The following RPS26 variants were observed in gnomAD, a reference collection of about 807,000 sequenced individuals.
RPS26 encodes the protein small ribosomal subunit protein eS26.
In RPS26, 1 loss-of-function variant was observed where a neutral mutation model predicts 14.7. The ratio of observed to expected loss-of-function variants is 0.07; its 90% CI spans 0.02 to 0.32. The LOEUF is 0.32. Ranked by LOEUF, RPS26 falls within the 10% of genes least tolerant of loss-of-function variation. The pLI, the probability that RPS26 is intolerant of heterozygous loss-of-function variation, is 1.00. For synonymous variants in RPS26, 59 were observed against 53.1 expected (o/e 1.11, Z -0.48); for missense variants, 63 against 157.7 (o/e 0.40, Z 3.22).
rs183954059 is a variant in RPS26, at chr12:56,042,634, G to A, written c.181+32G>A. ...GGGTCACCGGCGCGAACTGTGTGAG[G>A]ATCCCAGTATCTTAAAGCCTTCGCC... On this transcript the variant is annotated intron_variant, in intron 2 of 3. Coordinates refer to ENST00000646449, the MANE Select transcript of RPS26 (RefSeq NM_001029.5). 2.7e-4 allele frequency: 423 copies of A among 1,581,646 alleles called. 3 individuals carry two copies. The East Asian group carries it at 5.8e-3, about 22-fold the overall frequency.
At chr12:56,043,148 C>A (rs1017830655) in intron 2 of RPS26, 3 of 531,818 alleles carry the variant, frequency 5.6e-6, no homozygotes, top group African/African-American at 3.8e-5. Context: ...GATGAACTCA[C>A]GTGGGATGTT....
At chr12:56,044,040 A>T in intron 3 of RPS26, 79 bp from the exon 4 acceptor site, 1 of 1,188,246 alleles carries the variant, frequency 8.4e-7, no homozygotes. Flanking sequence ...TTGTGAGAGG[A>T]TGGTGGTCAA....
At position 56,042,392 on chromosome 12, in the gene RPS26, C is replaced by G. The variant is rs1437637347; in HGVS notation, c.4-33C>G. The G allele has an allele frequency of 2.5e-6, 4 of 1,610,264 alleles. No individual in the cohort carries two copies. In the African/African-American group the frequency reaches 5.3e-5, roughly 22 times the overall value. ...GGGACTGAGGCTGGGTGAGTTGCGC[C>G]GTTTTCCTAACAGTTTTCCCATCCT... On this transcript the variant is annotated intron_variant, in intron 1 of 3. Transcript: ENST00000646449.
chr12:56,042,406 T>G lies in RPS26; in HGVS notation c.4-19T>G. On this transcript the variant is annotated intron_variant, in intron 1 of 3. Coordinates refer to ENST00000646449, the MANE Select transcript of RPS26 (RefSeq NM_001029.5). ...GTGAGTTGCGCCGTTTTCCTAACAG[T>G]TTTCCCATCCTGTCGCAGACAAAGA... 3.1e-6 allele frequency: 5 copies of G among 1,613,530 alleles called. No individual in the cohort carries two copies. Among genetic ancestry groups the G allele is most frequent in the African/African-American group, 1.3e-5 (1 of 75,010 alleles).
intron 2 of RPS26, 100 bp downstream of exon 2, chr12:56,042,702 G>A (rs1300273390): frequency 5.2e-6 from 5 of 955,932 alleles, no homozygotes; most frequent in Middle Eastern, 5.0e-4. Context: ...GAGCCTCTCA[G>A]GCAATTTCCA....
chr12:56,042,652 C>CCTTCGCCCAA, intron 2 of RPS26, 50 bp downstream of exon 2: 1 of 1,520,700 alleles, frequency 6.6e-7, no homozygotes, highest in Non-Finnish European at 9.0e-7. Flanking sequence ...TATCTTAAAG[C>CCTTCGCCCAA]CTTCGCCCAA....
At position 56,041,957 on chromosome 12, in the gene RPS26, C is replaced by A; in HGVS notation, c.-210C>A. ...ATCCGGCTAAATAGTCCCATGTGCACTTTGTTCCATGGATAAATAAACACT... is the reference window on the plus strand; with the variant it reads ...ATCCGGCTAAATAGTCCCATGTGCAATTTGTTCCATGGATAAATAAACACT... On this transcript the variant is annotated 5_prime_UTR_variant, in exon 1 of 4. Transcript: ENST00000646449. 1 of 660,082 alleles carries A rather than the reference C, an allele frequency of 1.5e-6. No individual in the cohort carries two copies. The highest frequency in any genetic ancestry group is 2.7e-6 in the Non-Finnish European group (1 of 363,842). The allele number at this position is 660,082 out of a possible 1,614,324, so 40.9% of individuals were successfully genotyped here. A position where few individuals can be genotyped will look rare whatever the true frequency, so the allele number is the denominator to read the frequency against.
intron 2 of RPS26, 88 bp from the exon 3 acceptor site, chr12:56,043,275 C>A: frequency 7.8e-7 from 1 of 1,289,146 alleles, no homozygotes; most frequent in Non-Finnish European, 1.1e-6. Flanking sequence ...TTTTAATTGA[C>A]GTAAACATGT....
chr12:56,044,535 G>T lies in RPS26; in HGVS notation c.*381G>T. 1 of 237,368 alleles carries T rather than the reference G, an allele frequency of 4.2e-6. No homozygotes were observed. Among genetic ancestry groups the T allele is most frequent in the Non-Finnish European group, 8.3e-6 (1 of 120,610 alleles). The allele number at this position is 237,368 out of a possible 1,614,324, so 14.7% of individuals were successfully genotyped here. ...ATTTTTGTATTTTTGGTAGAGATGG[G>T]GTTTCACTATGTTGTCCAGGCTGGT... On this transcript the variant is annotated 3_prime_UTR_variant, in exon 4 of 4. Transcript: ENST00000646449.
intron 1 of RPS26, 85 bp from the exon 2 acceptor site, chr12:56,042,340 G>A (rs1895898600): frequency 6.5e-7 from 1 of 1,544,298 alleles, no homozygotes; most frequent in Non-Finnish European, 8.9e-7. Flanking sequence ...CTTCCTGGAG[G>A]CTGCCGGTGC....
At chr12:56,042,394 T>G in intron 1 of RPS26, 31 bp from the exon 2 acceptor site, 1 of 1,612,110 alleles carries the variant, frequency 6.2e-7, no homozygotes, top group Non-Finnish European at 8.5e-7. Flanking sequence ...AGTTGCGCCG[T>G]TTTCCTAACA....
chr12:56,042,140 C>T lies in RPS26; in HGVS notation c.-27C>T, dbSNP rs200831849. The T allele has an allele frequency of 1.5e-4, 249 of 1,613,848 alleles. 2 individuals are homozygous for T. The highest frequency in any genetic ancestry group is 1.6e-4 in the Middle Eastern group (1 of 6,084). On this transcript the variant is annotated 5_prime_UTR_variant, in exon 1 of 4. Transcript: ENST00000646449. ...ATAGGAGGGCCCTGCCAGGCACCGT[C>T]TCCTCTCTCCGGTCCGTGCCTCCAA...
At chr12:56,042,647 T>TA in intron 2 of RPS26, 45 bp downstream of exon 2, 1 of 1,542,416 alleles carries the variant, frequency 6.5e-7, no homozygotes, top group Non-Finnish European at 8.9e-7. Flanking sequence ...CCCAGTATCT[T>TA]AAAGCCTTCG....
At position 56,044,166 on chromosome 12, in the gene RPS26, C is replaced by T. The variant is rs200207596; in HGVS notation, c.*12C>T. On this transcript the variant is annotated 3_prime_UTR_variant, in exon 4 of 4. Coordinates refer to ENST00000646449, the MANE Select transcript of RPS26 (RefSeq NM_001029.5). ...CAAAGCCCATGTAAGGAGCTGAGTT[C>T]TTAAAGACTGAAGACAGGCTATTCT... 6.3e-5 allele frequency: 100 copies of T among 1,594,802 alleles called. No individual in the cohort carries two copies. Among genetic ancestry groups the T allele is most frequent in the Admixed American group, 1.7e-5 (1 of 59,958 alleles).
At chr12:56,043,189 A>G (rs991820209) in intron 2 of RPS26, 174 bp from the exon 3 acceptor site, 6 of 624,452 alleles carry the variant, frequency 9.6e-6, no homozygotes, top group African/African-American at 7.3e-5. Context: ...GGTTATACAT[A>G]TGTGCTCAGG....
rs771610688 is a variant in RPS26 at position 56,042,138 on chromosome 12, G to C, written c.-29G>C. On this transcript the variant is annotated 5_prime_UTR_variant, in exon 1 of 4. Transcript: ENST00000646449. ...ATATAGGAGGGCCCTGCCAGGCACC[G>C]TCTCCTCTCTCCGGTCCGTGCCTCC... 6 of 1,613,760 alleles carry C rather than the reference G, an allele frequency of 3.7e-6. No individual in the cohort carries two copies. Among genetic ancestry groups the C allele is most frequent in the East Asian group, 2.2e-5 (1 of 44,868 alleles).
At chr12:56,042,839 G>A (rs1895907967) in intron 2 of RPS26, 2 of 585,304 alleles carry the variant, frequency 3.4e-6, no homozygotes, top group Admixed American at 3.0e-5. Context: ...TGCCTGTTTC[G>A]GTTATGAGAT....
At chr12:56,042,876 T>A (rs1895908369) in intron 2 of RPS26, 2 of 543,862 alleles carry the variant, frequency 3.7e-6, no homozygotes, top group Non-Finnish European at 6.6e-6. Flanking sequence ...TTGGTAAATT[T>A]GACAATTCTT....
chr12:56,044,306 C>T lies in RPS26; in HGVS notation c.*152C>T, dbSNP rs1487296992. On this transcript the variant is annotated 3_prime_UTR_variant, in exon 4 of 4. Transcript: ENST00000646449. The stretch of plus-strand genomic sequence containing the variant: ...AGTGTGAAGTGACACACATTATTTT[C>T]ATGGGGAAGAAAGCTTATTCATGTA... The T allele has an allele frequency of 5.1e-6, 3 of 588,258 alleles. No individual in the cohort carries two copies. The highest frequency in any genetic ancestry group is 5.8e-5 in the Admixed American group (2 of 34,288). 36.4% of individuals were successfully genotyped at this position (588,258 alleles called of 1,614,324 possible). A position where few individuals can be genotyped will look rare whatever the true frequency, so the allele number is the denominator to read the frequency against.
Sources: allele counts gnomAD v4.1 joint callset, GRCh38; gene constraint gnomAD v4.1.1; transcripts MANE v1.5; gene names NCBI Gene and HGNC (gene_info 2026-07-23, HGNC 2026-07-21).